Variants in CA10 observed in about 807,000 individuals in gnomAD.
CA10 encodes carbonic anhydrase 10 (inactive), also known as carbonic anhydrase-related protein 10.
In CA10, 14 loss-of-function variants were observed where a neutral mutation model predicts 44.2. The observed-to-expected ratio is 0.32, with a 90% CI of 0.21 to 0.50. The LOEUF (loss-of-function observed/expected upper bound fraction) is 0.50, where lower values mean the gene tolerates loss of function less well. Among genes scored for constraint, CA10 ranks in the 20% least tolerant of loss-of-function variants. CA10 has a pLI of 0.99. For missense variants in CA10, 350 were observed against 409.7 expected (o/e 0.85, Z 1.26); for synonymous variants, 159 against 141.6 (o/e 1.12, Z -0.87).
chr17:51,660,109 G>T (rs892893822), intron 4 of CA10, among the ~76,000 whole-genome samples: 1 of 152,184 alleles, frequency 6.6e-6, no homozygotes, highest in Non-Finnish European at 1.5e-5. Flanking sequence ...TCTTGCCCAT[G>T]ATTATACAGT....
intron 3 of CA10, among the ~76,000 whole-genome samples, chr17:51,917,004 A>T (rs967580249): frequency 6.6e-6 from 1 of 152,180 alleles, no homozygotes; most frequent in Admixed American, 6.5e-5. Context: ...AGGCCACTAG[A>T]CATGTCCCCC....
At chr17:51,840,794 A>C (rs2143804030) in intron 3 of CA10, among the ~76,000 whole-genome samples, 1 of 152,296 alleles carries the variant, frequency 6.6e-6, no homozygotes, top group East Asian at 1.9e-4. Context: ...ACGATATCAA[A>C]ACCACAGTGA....
At chr17:51,686,072 T>C (rs140846741) in intron 4 of CA10, among the ~76,000 whole-genome samples, 2,761 of 145,286 alleles carry the variant, frequency 0.019, 33 homozygotes, top group Non-Finnish European at 0.025. Context: ...GTGGAGATAA[T>C]TGAATCATGG....
At chr17:51,868,917 A>G (rs1373092737) in intron 3 of CA10, among the ~76,000 whole-genome samples, 16 of 151,356 alleles carry the variant, frequency 1.1e-4, no homozygotes, top group Admixed American at 2.0e-4. Context: ...AAAAGATGTT[A>G]TAAAAGGTGA....
chr17:52,134,900 T>G (rs1167310073), intron 1 of CA10: 1 of 518,982 alleles, frequency 1.9e-6, no homozygotes, highest in South Asian at 1.4e-5. Context: ...ACCCCCACCA[T>G]ACACAGTTCA....
chr17:51,813,972 A>G (rs1053779003), intron 3 of CA10, among the ~76,000 whole-genome samples: 4 of 152,152 alleles, frequency 2.6e-5, no homozygotes, highest in Non-Finnish European at 4.4e-5. Flanking sequence ...GTTTCCTGCT[A>G]CAGTCAAAAT....
chr17:51,669,836 C>T (rs1914350761), intron 4 of CA10, among the ~76,000 whole-genome samples: 1 of 152,192 alleles, frequency 6.6e-6, no homozygotes, highest in African/African-American at 2.4e-5. Context: ...GACCAAGAAC[C>T]CGCCAATTTT....
intron 2 of CA10, among the ~76,000 whole-genome samples, chr17:52,011,489 T>G (rs1261212292): frequency 2.0e-5 from 3 of 152,078 alleles, no homozygotes; most frequent in Non-Finnish European, 4.4e-5. Context: ...TAAGAAGAAG[T>G]TATAGCCAAA....
chr17:52,090,220 G>A (rs543437433), intron 1 of CA10, among the ~76,000 whole-genome samples: 6 of 152,256 alleles, frequency 3.9e-5, no homozygotes, highest in Admixed American at 3.3e-4. Context: ...CCAAGTAGGC[G>A]TCAATTCTTA....
chr17:51,868,095 C>A (rs1249595893), intron 3 of CA10, among the ~76,000 whole-genome samples: 3 of 146,104 alleles, frequency 2.1e-5, no homozygotes, highest in South Asian at 4.4e-4. Flanking sequence ...CACACACACA[C>A]AAAGATATTC....
chr17:51,907,792 G>A (rs763822679), intron 3 of CA10, among the ~76,000 whole-genome samples: 6 of 152,084 alleles, frequency 3.9e-5, no homozygotes, highest in Non-Finnish European at 7.4e-5. Context: ...CCTGCTTCAC[G>A]GTCCATTCCT....
intron 4 of CA10, among the ~76,000 whole-genome samples, chr17:51,670,063 G>C (rs963904693): frequency 5.9e-5 from 9 of 152,220 alleles, no homozygotes. Context: ...TGCCATGTAA[G>C]ATGTTCCCTT....
intron 3 of CA10, among the ~76,000 whole-genome samples, chr17:51,844,447 A>G (rs1403215792): frequency 6.6e-6 from 1 of 152,210 alleles, no homozygotes; most frequent in Non-Finnish European, 1.5e-5. Context: ...AGTAAAATAT[A>G]CTAATTTTTA....
intron 4 of CA10, among the ~76,000 whole-genome samples, chr17:51,653,970 C>A (rs919817471): frequency 1.3e-5 from 2 of 152,218 alleles, no homozygotes; most frequent in African/African-American, 4.8e-5. Context: ...AACAAGCATG[C>A]TTTTCATAAG....
chr17:51,739,268 C>T (rs1286664155), intron 4 of CA10, among the ~76,000 whole-genome samples: 1 of 151,856 alleles, frequency 6.6e-6, no homozygotes, highest in East Asian at 1.9e-4. Context: ...ATGTTGTGAG[C>T]GGTACTCATG....
intron 4 of CA10, among the ~76,000 whole-genome samples, chr17:51,728,976 A>T (rs1421023949): frequency 6.6e-6 from 1 of 152,202 alleles, no homozygotes; most frequent in East Asian, 1.9e-4. Context: ...GGAGTTGGCC[A>T]TGAAAAGACC....
At chr17:51,765,570 T>A (rs910165571) in intron 3 of CA10, among the ~76,000 whole-genome samples, 1 of 152,162 alleles carries the variant, frequency 6.6e-6, no homozygotes, top group Non-Finnish European at 1.5e-5. Context: ...ATAAATTCCT[T>A]CATTATATTT....
At chr17:51,717,126 T>C (rs1916137903) in intron 4 of CA10, among the ~76,000 whole-genome samples, 1 of 152,088 alleles carries the variant, frequency 6.6e-6, no homozygotes, top group Non-Finnish European at 1.5e-5. Context: ...TAGGGGAATT[T>C]TTTTGTTCTA....
intron 2 of CA10, among the ~76,000 whole-genome samples, chr17:51,937,805 C>A (rs902020745): frequency 3.9e-5 from 6 of 152,262 alleles, no homozygotes; most frequent in South Asian, 2.1e-4. Context: ...GAGCAAGAAG[C>A]AAGCTGACCT....
Sources: allele counts gnomAD v4.1 joint callset (sites outside exome capture counted in the v4.1 genomes callset), GRCh38; gene constraint gnomAD v4.1.1; transcripts MANE v1.5; gene names NCBI Gene and HGNC (gene_info 2026-07-23, HGNC 2026-07-21).